The following TESK2 variants were observed in gnomAD, a reference collection of about 807,000 sequenced individuals.
TESK2 encodes the protein dual specificity testis-specific protein kinase 2.
Under a neutral mutation model 57.1 loss-of-function variants are expected in TESK2, and 39 were observed. The observed-to-expected ratio is 0.68, with a 90% CI of 0.53 to 0.89. The LOEUF is 0.89. Among genes scored for constraint, TESK2 ranks in the 40% least tolerant of loss-of-function variants. TESK2 has a pLI of 0.00. For missense variants in TESK2, 646 were observed against 732.1 expected, an observed-to-expected ratio of 0.88 and a Z score of 1.36; for synonymous variants, 249 against 267.9, an observed-to-expected ratio of 0.93 and a Z score of 0.69.
intron 4 of TESK2, among the ~76,000 whole-genome samples, chr1:45,382,970 G>T (rs1332003180): frequency 6.6e-6 from 1 of 152,114 alleles, no homozygotes; most frequent in Admixed American, 6.5e-5. Context: ...CAATTACAAA[G>T]AAGACTCATG....
chr1:45,346,889 A>G, intron 8 of TESK2, 90 bp downstream of exon 8: 14 of 1,545,566 alleles, frequency 9.1e-6, no homozygotes, highest in Non-Finnish European at 1.3e-5. Context: ...AGCAACAGAG[A>G]GTTCCAGCAA....
At chr1:45,376,550 G>A (rs1009130452) in intron 4 of TESK2, among the ~76,000 whole-genome samples, 3 of 151,970 alleles carry the variant, frequency 2.0e-5, no homozygotes, top group Non-Finnish European at 4.4e-5. Context: ...GGCTCTTTCC[G>A]CTAGGGCTAA....
intron 2 of TESK2, among the ~76,000 whole-genome samples, chr1:45,424,056 T>A (rs1650587838): frequency 6.6e-6 from 1 of 152,218 alleles, no homozygotes; most frequent in Non-Finnish European, 1.5e-5. Context: ...TCATTTCATA[T>A]CTTGCACAAC....
chr1:45,346,107 T>G, intron 9 of TESK2, 113 bp from the exon 10 acceptor site: 1 of 805,832 alleles, frequency 1.2e-6, no homozygotes, highest in Admixed American at 2.0e-5. Context: ...TGAGAGACCT[T>G]TTCTAAAGGC....
chr1:45,473,032 T>C (rs1025529192), intron 1 of TESK2, among the ~76,000 whole-genome samples: 2 of 149,810 alleles, frequency 1.3e-5, no homozygotes, highest in Non-Finnish European at 3.0e-5. Flanking sequence ...CGGGTGCCTG[T>C]AGTCCCAGCT....
chr1:45,364,618 C>A (rs1424330661), intron 4 of TESK2, among the ~76,000 whole-genome samples: 1 of 152,204 alleles, frequency 6.6e-6, no homozygotes, highest in African/African-American at 2.4e-5. Flanking sequence ...TTAGAAAGAT[C>A]ATTCTGGTAG....
chr1:45,362,989 TG>T (rs1447354991), intron 4 of TESK2, among the ~76,000 whole-genome samples: 2 of 152,158 alleles, frequency 1.3e-5, no homozygotes, highest in Non-Finnish European at 2.9e-5. Flanking sequence ...GAACTGAGGC[TG>T]GGAGAAGAGT....
At chr1:45,443,722 T>C (rs536180919) in intron 2 of TESK2, among the ~76,000 whole-genome samples, 206 of 152,268 alleles carry the variant, frequency 1.4e-3, no homozygotes, top group African/African-American at 4.8e-3. Context: ...AATATTTCCT[T>C]TTATCACCAC....
intron 2 of TESK2, among the ~76,000 whole-genome samples, chr1:45,436,867 G>A (rs371275661): frequency 8.7e-5 from 13 of 149,008 alleles, no homozygotes; most frequent in African/African-American, 2.2e-4. Flanking sequence ...GCACAATCTC[G>A]GCTCACTGCA....
At chr1:45,387,347 T>C (rs188636804) in intron 3 of TESK2, among the ~76,000 whole-genome samples, 38 of 152,280 alleles carry the variant, frequency 2.5e-4, no homozygotes, top group Admixed American at 1.5e-3. Flanking sequence ...GTTATATTTA[T>C]ATATATGAAT....
intron 4 of TESK2, among the ~76,000 whole-genome samples, chr1:45,357,583 A>G (rs1042047870): frequency 6.6e-6 from 1 of 151,884 alleles, no homozygotes; most frequent in Non-Finnish European, 1.5e-5. Context: ...AAGAAAAAAA[A>G]GTGAATAAGG....
At chr1:45,381,071 G>A (rs182408691) in intron 4 of TESK2, among the ~76,000 whole-genome samples, 1 of 152,322 alleles carries the variant, frequency 6.6e-6, no homozygotes, top group African/African-American at 2.4e-5. Flanking sequence ...CAAAATGGAA[G>A]AAATAAGATT....
chr1:45,467,358 T>C (rs983087079), intron 1 of TESK2, among the ~76,000 whole-genome samples: 1 of 152,178 alleles, frequency 6.6e-6, no homozygotes, highest in African/African-American at 2.4e-5. Flanking sequence ...TGTTGTTTTT[T>C]TTTTAAGATG....
At chr1:45,415,448 C>T in intron 3 of TESK2, 2 of 631,660 alleles carry the variant, frequency 3.2e-6, no homozygotes, top group Non-Finnish European at 5.6e-6. Flanking sequence ...AATCTTTGTG[C>T]TTTCGCTGCA....
chr1:45,403,278 A>G (rs1557559594), intron 3 of TESK2, among the ~76,000 whole-genome samples: 1 of 152,080 alleles, frequency 6.6e-6, no homozygotes, highest in Non-Finnish European at 1.5e-5. Flanking sequence ...AGAAGAAGAA[A>G]GAAGAAGAGA....
intron 2 of TESK2, among the ~76,000 whole-genome samples, chr1:45,442,000 T>C (rs1651464073): frequency 6.6e-6 from 1 of 152,028 alleles, no homozygotes; most frequent in South Asian, 2.1e-4. Context: ...GCAATGGTGC[T>C]ATCTCGGCTC....
In TESK2 at chr1:45,344,421, T is replaced by C. The variant is rs1207589624; in HGVS notation, c.*419A>G. Reference sequence around the variant, plus strand: ...AGGTCTGGGAAACAGCCATGACCATTACGGCCTCTTGATCAGCTCCATGTT... The same window carrying C: ...AGGTCTGGGAAACAGCCATGACCATCACGGCCTCTTGATCAGCTCCATGTT... On this transcript the variant is annotated 3_prime_UTR_variant, in exon 11 of 11. Coordinates refer to ENST00000372086, the MANE Select transcript of TESK2 (RefSeq NM_007170.3). 5.6e-6 allele frequency: 1 copy of C among 178,692 alleles called. No homozygotes were observed. Among genetic ancestry groups the C allele is most frequent in the Non-Finnish European group, 1.2e-5 (1 of 84,266 alleles). 11.1% of individuals were successfully genotyped at this position (178,692 alleles called of 1,614,324 possible).
chr1:45,431,052 T>C (rs765978571), intron 2 of TESK2, among the ~76,000 whole-genome samples: 8 of 152,204 alleles, frequency 5.3e-5, no homozygotes, highest in Non-Finnish European at 8.8e-5. Context: ...TTCTTCTTTT[T>C]TGTGACTGAA....
At chr1:45,406,052 C>A (rs1023096566) in intron 3 of TESK2, among the ~76,000 whole-genome samples, 1 of 151,940 alleles carries the variant, frequency 6.6e-6, no homozygotes, top group Non-Finnish European at 1.5e-5. Context: ...GTGGGTCAGT[C>A]TGTCTCTATA....
Sources: gnomAD v4.1 joint callset for allele counts (sites outside exome capture counted in the v4.1 genomes callset) on GRCh38, gnomAD v4.1.1 for gene constraint, MANE v1.5 for transcripts, NCBI Gene and HGNC (gene_info 2026-07-23, HGNC 2026-07-21) for gene names.